PLCE1: variants seen among roughly 807,000 people sequenced by gnomAD.
PLCE1 encodes the protein phospholipase C epsilon 1, also known as 1-phosphatidylinositol 4,5-bisphosphate phosphodiesterase epsilon-1.
A neutral mutation model predicts 242.8 loss-of-function variants in PLCE1; 119 were observed. That is an observed-to-expected ratio of 0.49 (90% CI 0.42 to 0.57). The LOEUF is 0.57. PLCE1 is among the 20% of genes least tolerant of loss of function. The pLI, the probability that PLCE1 is intolerant of heterozygous loss-of-function variation, is 0.00. For synonymous variants in PLCE1, 945 were observed against 1,017.4 expected (o/e 0.93, Z 1.35); for missense variants, 2,441 against 2,788.8 (o/e 0.88, Z 2.81).
At chr10:94,267,589 C>T (rs1265038903) in intron 16 of PLCE1, among the ~76,000 whole-genome samples, 1 of 152,164 alleles carries the variant, frequency 6.6e-6, no homozygotes, top group African/African-American at 2.4e-5. Flanking sequence ...CCTCTTCTAG[C>T]CATATGTGGA....
At chr10:94,212,101 G>A (rs188100031) in intron 4 of PLCE1, among the ~76,000 whole-genome samples, 8 of 152,286 alleles carry the variant, frequency 5.3e-5, no homozygotes, top group African/African-American at 1.9e-4. Context: ...TTATTTAGGA[G>A]ACTGAGTCTC....
rs928086870 is a variant in PLCE1 at position 93,995,848 on chromosome 10, G to T, written c.-365+1590G>T. Among the ~76,000 whole-genome samples the T allele has an allele frequency of 2.6e-5, 4 of 152,336 alleles. No individual in the cohort carries two copies. In the East Asian group the frequency reaches 7.7e-4, roughly 29 times the overall value. On this transcript the variant is annotated intron_variant, in intron 1 of 32. Transcript: ENST00000371380. Reference sequence around the variant, plus strand: ...CTGTCATTAAAAATTCCATACTCCAGTGGGTTAGAAGCTAGATTCCAATGA... The same window carrying T: ...CTGTCATTAAAAATTCCATACTCCATTGGGTTAGAAGCTAGATTCCAATGA...
At chr10:94,177,015 T>C (rs1021737696) in intron 4 of PLCE1, among the ~76,000 whole-genome samples, 6 of 152,172 alleles carry the variant, frequency 3.9e-5, no homozygotes, top group Non-Finnish European at 8.8e-5. Context: ...GCAAGACTCA[T>C]GGTTTAGGGA....
intron 2 of PLCE1, among the ~76,000 whole-genome samples, chr10:94,079,652 A>C (rs1241553360): frequency 2.0e-5 from 3 of 152,206 alleles, no homozygotes; most frequent in Admixed American, 2.0e-4. Flanking sequence ...ATTATCTTCT[A>C]TTCTTTATAG....
chr10:94,164,480 C>T (rs993090958), intron 3 of PLCE1, among the ~76,000 whole-genome samples: 60 of 152,168 alleles, frequency 3.9e-4, no homozygotes, highest in African/African-American at 1.3e-3. Context: ...ACGTAGTTCT[C>T]GTGCCATAGT....
At chr10:94,033,923 A>G (rs1451780834) in intron 2 of PLCE1, among the ~76,000 whole-genome samples, 2 of 152,064 alleles carry the variant, frequency 1.3e-5, no homozygotes, top group African/African-American at 2.4e-5. Context: ...CATCATCATC[A>G]TCATTGTATT....
intron 14 of PLCE1, among the ~76,000 whole-genome samples, chr10:94,263,804 A>G (rs540372713): frequency 2.0e-5 from 3 of 152,258 alleles, no homozygotes; most frequent in South Asian, 4.1e-4. Context: ...CTTTAACATT[A>G]TTAGTGTAAT....
intron 4 of PLCE1, among the ~76,000 whole-genome samples, chr10:94,194,099 T>C (rs774847282): frequency 9.9e-5 from 15 of 152,252 alleles, no homozygotes; most frequent in Non-Finnish European, 2.1e-4. Context: ...ACTTAGTTAC[T>C]GTTCTTATTC....
chr10:94,235,838 T>C (rs1589395357), intron 6 of PLCE1, 77 bp from the exon 7 acceptor site: 8 of 1,495,360 alleles, frequency 5.3e-6, no homozygotes, highest in Middle Eastern at 2.3e-4. Context: ...TATTACTTTA[T>C]GATTTCATTT....
intron 2 of PLCE1, among the ~76,000 whole-genome samples, chr10:94,061,089 G>A (rs1035877877): frequency 6.6e-6 from 1 of 152,128 alleles, no homozygotes; most frequent in Non-Finnish European, 1.5e-5. Flanking sequence ...GGGGTTCAGC[G>A]AGGAGGAAAC....
At chr10:94,110,264 G>A (rs536748993) in intron 2 of PLCE1, among the ~76,000 whole-genome samples, 5 of 151,696 alleles carry the variant, frequency 3.3e-5, no homozygotes, top group East Asian at 1.9e-4. Flanking sequence ...AGGTTTCACC[G>A]TGTTAGCCAG....
At chr10:94,171,883 C>G (rs988976187) in intron 4 of PLCE1, among the ~76,000 whole-genome samples, 2 of 152,096 alleles carry the variant, frequency 1.3e-5, no homozygotes, top group Non-Finnish European at 2.9e-5. Context: ...TGACCACATT[C>G]GTATAACCAA....
chr10:94,050,175 G>T (rs11187778), intron 2 of PLCE1, among the ~76,000 whole-genome samples: 7 of 151,808 alleles, frequency 4.6e-5, no homozygotes, highest in Admixed American at 1.3e-4. Flanking sequence ...ATATACTACT[G>T]GAGACTGGGT....
chr10:94,244,515 G>C (rs2050612549), intron 7 of PLCE1, among the ~76,000 whole-genome samples: 1 of 152,092 alleles, frequency 6.6e-6, no homozygotes, highest in African/African-American at 2.4e-5. Flanking sequence ...GATCCTCTTG[G>C]CTCAAATAAT....
intron 1 of PLCE1, among the ~76,000 whole-genome samples, chr10:94,027,708 C>T (rs2061477248): frequency 6.6e-6 from 1 of 152,186 alleles, no homozygotes; most frequent in South Asian, 2.1e-4. Context: ...GTAGTCCCAG[C>T]TACTCAGGAG....
chr10:94,119,035 A>C (rs1402128770), intron 2 of PLCE1, among the ~76,000 whole-genome samples: 1 of 152,198 alleles, frequency 6.6e-6, no homozygotes, highest in East Asian at 1.9e-4. Flanking sequence ...CTATACCTCC[A>C]ACTAGACAGG....
At chr10:94,279,557 A>G in intron 19 of PLCE1, 1 of 571,770 alleles carries the variant, frequency 1.7e-6, no homozygotes, top group East Asian at 3.1e-5. Context: ...TCTTCTGGAG[A>G]TTGTTTATAA....
chr10:94,062,582 G>GTTTTTTTTTTTTTTTTTTTTTTTTT (rs5787099), intron 2 of PLCE1, among the ~76,000 whole-genome samples: 1 of 142,350 alleles, frequency 7.0e-6, no homozygotes, highest in Non-Finnish European at 1.5e-5. Context: ...TCTTGGTTTT[G>GTTTTTTTTTTTTTTTTTTTTTTTTT]TTTTTTTTTT....
chr10:94,245,278 T>C (rs2050638299), intron 7 of PLCE1, among the ~76,000 whole-genome samples: 1 of 152,180 alleles, frequency 6.6e-6, no homozygotes, highest in Non-Finnish European at 1.5e-5. Flanking sequence ...TAATAAAACT[T>C]ACCTTGCAAG....
Sources: gnomAD v4.1 joint callset for allele counts (sites outside exome capture counted in the v4.1 genomes callset) on GRCh38, gnomAD v4.1.1 for gene constraint, MANE v1.5 for transcripts, NCBI Gene and HGNC (gene_info 2026-07-23, HGNC 2026-07-21) for gene names.